MAGI1: variants seen among roughly 807,000 people sequenced by gnomAD.
MAGI1 encodes membrane associated guanylate kinase, WW and PDZ domain containing 1.
In MAGI1, 58 loss-of-function variants were observed where a neutral mutation model predicts 139.9. The observed-to-expected ratio is 0.41, with a 90% CI of 0.34 to 0.52. MAGI1 has a LOEUF of 0.52. Ranked by LOEUF, MAGI1 falls within the 20% of genes least tolerant of loss-of-function variation. MAGI1 has a pLI of 0.12. For synonymous variants in MAGI1, 812 were observed against 737.9 expected (o/e 1.10, Z -1.63); for missense variants, 1,874 against 1,901.6 (o/e 0.99, Z 0.27).
At chr3:65,525,593 G>T (rs1480242754) in intron 2 of MAGI1, among the ~76,000 whole-genome samples, 2 of 152,104 alleles carry the variant, frequency 1.3e-5, no homozygotes, top group African/African-American at 4.8e-5. Context: ...TACTTTCAAC[G>T]AATGCTCTGG....
intron 2 of MAGI1, among the ~76,000 whole-genome samples, chr3:65,498,312 C>T (rs950862229): frequency 6.7e-6 from 1 of 150,360 alleles, no homozygotes; most frequent in African/African-American, 2.4e-5. Flanking sequence ...ACCAGGCTGA[C>T]AAACTGGGAT....
chr3:65,753,696 T>A (rs1323326480), intron 1 of MAGI1, among the ~76,000 whole-genome samples: 4 of 101,346 alleles, frequency 3.9e-5, no homozygotes, highest in African/African-American at 1.4e-4. Flanking sequence ...AAACTCCATC[T>A]CAAAAAAAAA....
At chr3:65,945,944 A>G (rs978563499) in intron 1 of MAGI1, among the ~76,000 whole-genome samples, 3 of 152,244 alleles carry the variant, frequency 2.0e-5, no homozygotes, top group Non-Finnish European at 2.9e-5. Flanking sequence ...AGTGGTAATC[A>G]TTCTTTTAAA....
At chr3:65,823,855 C>T (rs1052629195) in intron 1 of MAGI1, among the ~76,000 whole-genome samples, 1 of 152,172 alleles carries the variant, frequency 6.6e-6, no homozygotes, top group Non-Finnish European at 1.5e-5. Context: ...TGGACACACA[C>T]CTCCTTCCCC....
chr3:65,657,203 C>T (rs2085927723), intron 1 of MAGI1, among the ~76,000 whole-genome samples: 1 of 151,924 alleles, frequency 6.6e-6, no homozygotes, highest in East Asian at 1.9e-4. Flanking sequence ...TAAAGGCAGG[C>T]TAAGTAAGTG....
At chr3:65,808,777 G>A (rs543818555) in intron 1 of MAGI1, among the ~76,000 whole-genome samples, 107 of 151,270 alleles carry the variant, frequency 7.1e-4, no homozygotes, top group African/African-American at 2.4e-3. Context: ...GACTTGCACC[G>A]CACACAGGAC....
chr3:65,381,976 C>G lies in MAGI1; in HGVS notation c.2602G>C (p.Val868Leu). The change falls in exon 16 of 23, where the codon GTA (valine) becomes CTA (leucine). Residue 868 changes from valine to leucine, a missense_variant. This residue lies in a region of MAGI1 where 482 missense variants were observed against 509.6 expected (regional missense o/e 0.95). Coordinates refer to ENST00000402939, the MANE Select transcript of MAGI1 (RefSeq NM_001033057.2). The stretch of plus-strand genomic sequence containing the variant: ...ACAAGCTGGTGTGATTTTCCAATTA[C>G]TGGCGTCCCATCCACACAGATTAAT... ...DELICVDGTP[V>L]IGKSHQLVVQ... 6.2e-7 allele frequency: 1 copy of G among 1,614,214 alleles called. No homozygotes were observed. The highest frequency in any genetic ancestry group is 8.5e-7 in the Non-Finnish European group (1 of 1,180,042).
At chr3:65,669,547 T>C (rs1281345791) in intron 1 of MAGI1, among the ~76,000 whole-genome samples, 1 of 152,224 alleles carries the variant, frequency 6.6e-6, no homozygotes, top group Non-Finnish European at 1.5e-5. Context: ...AGACCTTTGC[T>C]CTCGACCAGT....
chr3:65,467,349 T>A (rs928866078), intron 5 of MAGI1, among the ~76,000 whole-genome samples: 2 of 152,238 alleles, frequency 1.3e-5, no homozygotes, highest in Admixed American at 1.3e-4. Context: ...CTAATGCGGT[T>A]TAATTTGCTA....
intron 5 of MAGI1, among the ~76,000 whole-genome samples, chr3:65,453,630 T>C (rs1228115410): frequency 6.6e-6 from 1 of 152,156 alleles, no homozygotes; most frequent in African/African-American, 2.4e-5. Context: ...TGATACCCCT[T>C]GCGTATACCA....
rs1384223105 is a variant in MAGI1, at chr3:66,038,352, G to A, written c.-44C>T. The A allele has an allele frequency of 9.9e-6, 15 of 1,511,222 alleles. No individual in the cohort carries two copies. Among genetic ancestry groups the A allele is most frequent in the South Asian group, 1.3e-5 (1 of 76,108 alleles). 93.6% of individuals were successfully genotyped at this position (1,511,222 alleles called of 1,614,324 possible). The stretch of plus-strand genomic sequence containing the variant: ...TCCAAAAAAATAAAACGAGAGACAG[G>A]TGCCCCCCACAGCACGAGCCCCCAA... On this transcript the variant is annotated 5_prime_UTR_variant, in exon 1 of 23. Transcript: ENST00000402939.
intron 2 of MAGI1, among the ~76,000 whole-genome samples, chr3:65,609,338 C>T (rs568436865): frequency 7.9e-5 from 12 of 151,194 alleles, no homozygotes; most frequent in African/African-American, 2.9e-4. Flanking sequence ...AATGCAGTGG[C>T]CTGATGTTGA....
chr3:65,357,458 C>T (rs554632643), intron 22 of MAGI1, among the ~76,000 whole-genome samples: 58 of 152,232 alleles, frequency 3.8e-4, no homozygotes, highest in African/African-American at 1.4e-3. Context: ...ATCAAAATTT[C>T]CTCTCTGTAG....
At chr3:65,849,075 G>A (rs912651877) in intron 1 of MAGI1, among the ~76,000 whole-genome samples, 21 of 126,316 alleles carry the variant, frequency 1.7e-4, no homozygotes, top group African/African-American at 6.3e-4. Flanking sequence ...CCAAGCTGGA[G>A]TGAAGTGGCG....
intron 16 of MAGI1, 38 bp from the exon 17 acceptor site, chr3:65,379,592 T>C (rs750369366): frequency 2.7e-5 from 43 of 1,573,994 alleles, no homozygotes; most frequent in Non-Finnish European, 3.3e-5. Flanking sequence ...CACCGTGTCC[T>C]GCAGCCCCTC....
intron 1 of MAGI1, among the ~76,000 whole-genome samples, chr3:65,794,632 G>C (rs55664707): frequency 0.26 from 39,752 of 150,400 alleles, 5,950 homozygotes; most frequent in East Asian, 0.42. Context: ...GCTGTGTAGA[G>C]CCTAGGGGAC....
intron 4 of MAGI1, among the ~76,000 whole-genome samples, chr3:65,473,896 C>T (rs2107596201): frequency 6.6e-6 from 1 of 152,108 alleles, no homozygotes; most frequent in East Asian, 1.9e-4. Flanking sequence ...AAATGAGCTG[C>T]TGGCACAGAC....
intron 18 of MAGI1, among the ~76,000 whole-genome samples, chr3:65,370,371 A>G (rs764320992): frequency 1.3e-5 from 2 of 152,202 alleles, no homozygotes; most frequent in Admixed American, 6.5e-5. Flanking sequence ...GCTTATTATC[A>G]TATCAACCAA....
In MAGI1 at chr3:65,438,147, C is replaced by T. The variant is rs137881011; in HGVS notation, c.1271-900G>A. On this transcript the variant is annotated intron_variant, in intron 9 of 22. Coordinates refer to ENST00000402939, the MANE Select transcript of MAGI1 (RefSeq NM_001033057.2). ...AACCTAAGTGTCCATCAGTGGATAACTGGATAAAGAAAATGTGGTATGTAT... is the reference window on the plus strand; with the variant it reads ...AACCTAAGTGTCCATCAGTGGATAATTGGATAAAGAAAATGTGGTATGTAT... 4.6e-3 allele frequency among the ~76,000 whole-genome samples: 693 copies of T among 152,132 alleles called. 4 individuals are homozygous for T. Among genetic ancestry groups the T allele is most frequent in the African/African-American group, 0.016 (664 of 41,510 alleles).
Sources: gnomAD v4.1 joint callset for allele counts (sites outside exome capture counted in the v4.1 genomes callset) on GRCh38, gnomAD v4.1.1 for gene constraint, gnomAD v4.1.1 regional missense constraint, MANE v1.5 for transcripts, NCBI Gene and HGNC (gene_info 2026-07-23, HGNC 2026-07-21) for gene names.